Variants in VAPA observed in about 807,000 individuals in gnomAD.
VAPA encodes the protein VAMP associated protein A.
In VAPA, 6 loss-of-function variants were observed where a neutral mutation model predicts 25.6. That is an observed-to-expected ratio of 0.23 (90% confidence interval 0.13 to 0.46). The LOEUF (loss-of-function observed/expected upper bound fraction) is 0.46, where lower values mean the gene tolerates loss of function less well. VAPA is among the 20% of genes least tolerant of loss of function. The pLI is 0.99. For synonymous variants in VAPA, 112 were observed against 106.2 expected, an observed-to-expected ratio of 1.05 and a Z score of -0.34; for missense variants, 244 against 302.1, an observed-to-expected ratio of 0.81 and a Z score of 1.43.
chr18:9,928,026 C>G (rs758024230), intron 1 of VAPA, among the ~76,000 whole-genome samples: 2 of 151,950 alleles, frequency 1.3e-5, no homozygotes, highest in African/African-American at 4.8e-5. Context: ...TGGGATAGTT[C>G]ATTATAAACA....
chr18:9,925,006 A>G (rs1253690881), intron 1 of VAPA: 2 of 152,044 alleles, frequency 1.3e-5, no homozygotes, highest in African/African-American at 4.8e-5. Context: ...GTACGTGTTT[A>G]TGTAAAGGTG....
chr18:9,957,408 T>G lies in VAPA; in HGVS notation c.*3197T>G, dbSNP rs1159643627. 6.6e-6 allele frequency: 1 copy of G among 152,228 alleles called. No homozygotes were observed. The highest frequency in any genetic ancestry group is 1.9e-4 in the East Asian group (1 of 5,206). The allele number at this position is 152,228 out of a possible 1,614,324, so 9.4% of individuals were successfully genotyped here. ...GGAATTACTTTTGAACTGTAATCTT[T>G]CAGATTACACCACTTTGAAAACAAG... On this transcript the variant is annotated 3_prime_UTR_variant, in exon 6 of 6. Coordinates refer to ENST00000400000, the MANE Select transcript of VAPA (RefSeq NM_194434.3).
At chr18:9,922,932 A>G (rs558646721) in intron 1 of VAPA, among the ~76,000 whole-genome samples, 1 of 152,304 alleles carries the variant, frequency 6.6e-6, no homozygotes, top group East Asian at 1.9e-4. Flanking sequence ...TTCTGAAGCC[A>G]TATTTGTAAC....
chr18:9,952,401 T>C (rs920343213), intron 5 of VAPA, among the ~76,000 whole-genome samples: 1 of 151,958 alleles, frequency 6.6e-6, no homozygotes, highest in Admixed American at 6.6e-5. Context: ...ACCCCGTCTC[T>C]ATTAAAAATA....
chr18:9,944,898 A>C, intron 4 of VAPA: 2 of 1,611,846 alleles, frequency 1.2e-6, no homozygotes, highest in Middle Eastern at 1.7e-4. Flanking sequence ...TGAGAATCTG[A>C]GAATATGTTT....
rs1033165942 is a variant in VAPA, at chr18:9,956,759, T to A, written c.*2548T>A. The A allele has an allele frequency of 6.6e-6, 1 of 152,502 alleles. No homozygotes were observed. Among genetic ancestry groups the A allele is most frequent in the Non-Finnish European group, 1.5e-5 (1 of 68,038 alleles). 9.4% of individuals were successfully genotyped at this position (152,502 alleles called of 1,614,324 possible). A position where few individuals can be genotyped will look rare whatever the true frequency, so the allele number is the denominator to read the frequency against. On this transcript the variant is annotated 3_prime_UTR_variant, in exon 6 of 6. Coordinates refer to ENST00000400000, the MANE Select transcript of VAPA (RefSeq NM_194434.3). Reference sequence around the variant, plus strand: ...TATATGTTTAGAAGTTTTTGCTTTGTCTGCCTGCTTACTTGTATATGTAAG... The same window carrying A: ...TATATGTTTAGAAGTTTTTGCTTTGACTGCCTGCTTACTTGTATATGTAAG...
At chr18:9,943,211 T>G (rs2069384209) in intron 4 of VAPA, among the ~76,000 whole-genome samples, 1 of 152,198 alleles carries the variant, frequency 6.6e-6, no homozygotes, top group Non-Finnish European at 1.5e-5. Flanking sequence ...TAAAAAATCA[T>G]TTATTTGTGA....
intron 4 of VAPA, among the ~76,000 whole-genome samples, chr18:9,945,407 C>T (rs1025503748): frequency 8.7e-6 from 1 of 115,420 alleles, no homozygotes; most frequent in African/African-American, 3.4e-5. Flanking sequence ...GTCACCCAGG[C>T]TGGAGTGCAT....
chr18:9,950,370 A>G (rs781722982), intron 4 of VAPA, 25 bp from the exon 5 acceptor site: 2 of 1,599,880 alleles, frequency 1.3e-6, no homozygotes, highest in Non-Finnish European at 1.7e-6. Context: ...TTAGTTAAAA[A>G]ATTCCCAATA....
chr18:9,922,534 TTATAATC>T lies in VAPA; in HGVS notation c.79+8202_79+8208del, dbSNP rs1443294928. The stretch of plus-strand genomic sequence containing the variant: ...ACCTGGTCTCACAGGAAGAGGCTGT[TTATAATC>T]TAGATTCAAGGCCAGCCAATATATA... On this transcript the variant is annotated intron_variant, in intron 1 of 5. Coordinates refer to ENST00000400000, the MANE Select transcript of VAPA (RefSeq NM_194434.3). Among the ~76,000 whole-genome samples, 3 of 152,248 alleles carry T rather than the reference TTATAATC, an allele frequency of 2.0e-5. No individual in the cohort carries two copies. In the East Asian group the frequency reaches 5.8e-4, roughly 29 times the overall value.
At chr18:9,930,644 A>G (rs1178127843) in intron 1 of VAPA, among the ~76,000 whole-genome samples, 1 of 152,106 alleles carries the variant, frequency 6.6e-6, no homozygotes, top group Non-Finnish European at 1.5e-5. Flanking sequence ...GTTTGACCAT[A>G]TAATGAAACA....
At chr18:9,916,430 A>C (rs530887217) in intron 1 of VAPA, among the ~76,000 whole-genome samples, 2 of 152,210 alleles carry the variant, frequency 1.3e-5, no homozygotes, top group Non-Finnish European at 2.9e-5. Context: ...GAAGCATTTA[A>C]GGAAAAGGCT....
chr18:9,919,474 A>G (rs1282342374), intron 1 of VAPA, among the ~76,000 whole-genome samples: 1 of 152,236 alleles, frequency 6.6e-6, no homozygotes, highest in Non-Finnish European at 1.5e-5. Context: ...AGATACTAAT[A>G]AAATAATCAG....
At chr18:9,948,286 TG>T (rs1225267628) in intron 4 of VAPA, 1 of 152,194 alleles carries the variant, frequency 6.6e-6, no homozygotes, top group Non-Finnish European at 1.5e-5. Context: ...CCTATGGACA[TG>T]TTATTTAAAA....
Position 9,958,309 on chromosome 18 carries a change from T to A in VAPA, c.*4098T>A, listed in dbSNP as rs768291402. On this transcript the variant is annotated 3_prime_UTR_variant, in exon 6 of 6. Coordinates refer to ENST00000400000, the MANE Select transcript of VAPA (RefSeq NM_194434.3). ...GGACATTTTATAATGTAACATTTGA[T>A]TGGCCTGGCCTCTTGACAATTCCCT... 7 of 152,246 alleles carry A rather than the reference T, an allele frequency of 4.6e-5. No homozygotes were observed. Among genetic ancestry groups the A allele is most frequent in the Non-Finnish European group, 1.0e-4 (7 of 68,034 alleles). The allele number at this position is 152,246 out of a possible 1,614,324, so 9.4% of individuals were successfully genotyped here.
intron 2 of VAPA, among the ~76,000 whole-genome samples, chr18:9,932,787 T>C (rs1445524621): frequency 1.3e-5 from 2 of 152,144 alleles, no homozygotes; most frequent in Admixed American, 6.5e-5. Flanking sequence ...CTCTCCCAGA[T>C]TGGAATCTCT....
rs756300477 is a variant in VAPA at position 9,957,893 on chromosome 18, C to T, written c.*3682C>T. 2.0e-5 allele frequency: 3 copies of T among 152,152 alleles called. No homozygotes were observed. The highest frequency in any genetic ancestry group is 6.5e-5 in the Admixed American group (1 of 15,272). The allele number at this position is 152,152 out of a possible 1,614,324, so 9.4% of individuals were successfully genotyped here. ...TGATTTTCATGCCACGTTTCATAGC[C>T]CCACTTTTGGTAGACTACCACCACG... On this transcript the variant is annotated 3_prime_UTR_variant, in exon 6 of 6. Coordinates refer to ENST00000400000, the MANE Select transcript of VAPA (RefSeq NM_194434.3).
At chr18:9,927,206 C>T (rs1326572286) in intron 1 of VAPA, among the ~76,000 whole-genome samples, 1 of 152,084 alleles carries the variant, frequency 6.6e-6, no homozygotes, top group East Asian at 1.9e-4. Context: ...CTGGACAGGG[C>T]AGATAGATAT....
intron 1 of VAPA, among the ~76,000 whole-genome samples, chr18:9,930,967 TAAAG>T (rs1030977808): frequency 3.9e-5 from 6 of 152,116 alleles, no homozygotes; most frequent in Non-Finnish European, 5.9e-5. Context: ...AAGATTGAAA[TAAAG>T]AAAAGAGAGC....
Sources: allele counts gnomAD v4.1 joint callset (sites outside exome capture counted in the v4.1 genomes callset), GRCh38; gene constraint gnomAD v4.1.1; transcripts MANE v1.5; gene names NCBI Gene and HGNC (gene_info 2026-07-23, HGNC 2026-07-21).